Variants in ARHGEF17 observed in about 807,000 individuals in gnomAD.
ARHGEF17 encodes the protein 164 kDa Rho-specific guanine-nucleotide exchange factor.
In ARHGEF17, 80 loss-of-function variants were observed where a neutral mutation model predicts 174.0. That is an observed-to-expected ratio of 0.46 (90% confidence interval 0.38 to 0.55). The LOEUF (loss-of-function observed/expected upper bound fraction) is 0.55. Ranked by LOEUF, ARHGEF17 falls within the 20% of genes least tolerant of loss-of-function variation. ARHGEF17 has a pLI of 0.00. For synonymous variants in ARHGEF17, 1,311 were observed against 1,189.1 expected, an observed-to-expected ratio of 1.10 and a Z score of -2.11; for missense variants, 2,886 against 2,839.7, an observed-to-expected ratio of 1.02 and a Z score of -0.37.
At chr11:73,346,541 T>C (rs1865463591) in intron 1 of ARHGEF17, among the ~76,000 whole-genome samples, 1 of 152,190 alleles carries the variant, frequency 6.6e-6, no homozygotes, top group Non-Finnish European at 1.5e-5. Flanking sequence ...TCTTTGCAAA[T>C]GTGAAAGGTT....
At chr11:73,342,904 G>A (rs1865394737) in intron 1 of ARHGEF17, 1 of 160,022 alleles carries the variant, frequency 6.2e-6, no homozygotes, top group Non-Finnish European at 1.4e-5. Context: ...GGGGCCGCGC[G>A]CGCCTGGCTC....
chr11:73,368,081 C>T lies in ARHGEF17; in HGVS notation c.*301C>T, dbSNP rs1251004191. ...TACCAAAGACACAGCTGGGTCTGGA[C>T]CCCACGGGGCTGGGGAGGGCCATGT... On this transcript the variant is annotated 3_prime_UTR_variant, in exon 21 of 21. Coordinates refer to ENST00000263674, the MANE Select transcript of ARHGEF17 (RefSeq NM_014786.4). The T allele has an allele frequency of 5.9e-6, 2 of 340,568 alleles. No individual in the cohort carries two copies. The highest frequency in any genetic ancestry group is 1.1e-5 in the Non-Finnish European group (2 of 183,990). 21.1% of individuals were successfully genotyped at this position (340,568 alleles called of 1,614,324 possible).
chr11:73,311,639 C>T lies in ARHGEF17; in HGVS notation c.3001C>T (p.Pro1001Ser). The T allele has an allele frequency of 2.5e-6, 4 of 1,613,362 alleles. No homozygotes were observed. The highest frequency in any genetic ancestry group is 3.4e-6 in the Non-Finnish European group (4 of 1,179,936). The change falls in exon 1 of 21, where the codon CCA becomes TCA. Residue 1001 changes from proline to serine, a missense_variant. Coordinates refer to ENST00000263674, the MANE Select transcript of ARHGEF17 (RefSeq NM_014786.4). ...PTRAHPTLQA[P>S]SLEDVTKQYM... is the part of the protein sequence containing the mutation. ...CCGAGCCCATCCCACGTTGCAGGCA[C>T]CATCGCTCGAGGACGTCACCAAGCA... is the stretch of plus-strand genomic sequence containing the variant.
chr11:73,347,019 A>T, intron 2 of ARHGEF17, 59 bp downstream of exon 2: 1 of 1,508,884 alleles, frequency 6.6e-7, no homozygotes, highest in Middle Eastern at 1.7e-4. Context: ...AGGCTGTCAG[A>T]TGGGTGTGAG....
intron 2 of ARHGEF17, among the ~76,000 whole-genome samples, chr11:73,351,067 A>T (rs555631594): frequency 6.6e-6 from 1 of 152,154 alleles, no homozygotes; most frequent in South Asian, 2.1e-4. Flanking sequence ...CCCTGAGGTG[A>T]GCGGTTTAGC....
chr11:73,332,939 C>T (rs1865232102), intron 1 of ARHGEF17, among the ~76,000 whole-genome samples: 1 of 152,144 alleles, frequency 6.6e-6, no homozygotes, highest in Non-Finnish European at 1.5e-5. Flanking sequence ...TGCTCTCTTC[C>T]TGTCCTCAGG....
chr11:73,365,840 C>G lies in ARHGEF17; in HGVS notation c.5888C>G (p.Thr1963Arg), dbSNP rs1338791600. The change falls in exon 20 of 21, where the codon ACA becomes AGA. Residue 1963 changes from threonine (T) to arginine (R), a missense_variant. Thr to Arg is a moderately conservative substitution (Grantham distance 71, BLOSUM62 -1). This residue lies in a region of ARHGEF17 where 329 missense variants were observed against 435.2 expected (regional missense o/e 0.76). Transcript: ENST00000263674. This position sits in a 1 kb window ranked among gnomAD's most constrained non-coding sequence, Gnocchi z 4.9. Reference sequence around the variant, plus strand: ...TGCCCACGGGCACCACTCAGTCCCACAGGCCTCGGCCAGGGACACACCGGC... The same window carrying G: ...TGCCCACGGGCACCACTCAGTCCCAGAGGCCTCGGCCAGGGACACACCGGC... ...VSCPRAPLSPTGLGQGHTGHV... is the reference protein window; with the variant it reads ...VSCPRAPLSPRGLGQGHTGHV... 1 of 1,613,140 alleles carries G rather than the reference C, an allele frequency of 6.2e-7. No individual in the cohort carries two copies. The highest frequency in any genetic ancestry group is 1.1e-5 in the South Asian group (1 of 91,088).
At chr11:73,316,607 C>G (rs1864932521) in intron 1 of ARHGEF17, among the ~76,000 whole-genome samples, 1 of 152,182 alleles carries the variant, frequency 6.6e-6, no homozygotes, top group Admixed American at 6.5e-5. Context: ...CAGAGAGGAA[C>G]AGCAGATGCA....
At position 73,353,246 on chromosome 11, in the gene ARHGEF17, C is replaced by T. The variant is rs556894569; in HGVS notation, c.3453+234C>T. 31 of 585,706 alleles carry T rather than the reference C, an allele frequency of 5.3e-5. No individual in the cohort carries two copies. In the East Asian group the frequency reaches 8.2e-4, roughly 15 times the overall value. 36.3% of individuals were successfully genotyped at this position (585,706 alleles called of 1,614,324 possible). On this transcript the variant is annotated intron_variant, in intron 3 of 20. Transcript: ENST00000263674. ...ACTCTGGCACGGACTCCGACCCCAG[C>T]CAGACACTGACTCTGATCCTGGACC...
chr11:73,345,479 A>G (rs1865445325), intron 1 of ARHGEF17, among the ~76,000 whole-genome samples: 1 of 151,954 alleles, frequency 6.6e-6, no homozygotes, highest in Admixed American at 6.6e-5. Context: ...TCAGAGGGCA[A>G]GGGATCTGAA....
intron 9 of ARHGEF17, 108 bp from the exon 10 acceptor site, chr11:73,359,726 G>A: frequency 2.1e-6 from 2 of 937,412 alleles, no homozygotes; most frequent in East Asian, 2.8e-5. Flanking sequence ...GGTTTGTCAG[G>A]TCTCTCCCCG....
chr11:73,353,064 G>A (rs1185358767), intron 3 of ARHGEF17, 52 bp downstream of exon 3: 23 of 1,602,174 alleles, frequency 1.4e-5, no homozygotes, highest in Non-Finnish European at 2.0e-5. Flanking sequence ...CTCCTGGAAG[G>A]GGCTGGATGT....
chr11:73,355,160 T>C (rs769152896), intron 3 of ARHGEF17, among the ~76,000 whole-genome samples: 6 of 152,182 alleles, frequency 3.9e-5, no homozygotes, highest in South Asian at 2.1e-4. Context: ...TGAGTCTGTG[T>C]CACTCAGAGA....
intron 1 of ARHGEF17, among the ~76,000 whole-genome samples, chr11:73,345,581 G>A (rs1384932401): frequency 6.6e-6 from 1 of 152,184 alleles, no homozygotes; most frequent in Admixed American, 6.5e-5. Flanking sequence ...CCTGGGCATA[G>A]CAGTGACCAG....
intron 1 of ARHGEF17, among the ~76,000 whole-genome samples, chr11:73,329,337 A>G (rs1355400040): frequency 1.9e-3 from 2 of 1,044 alleles, no homozygotes; most frequent in Admixed American, 0.021. Context: ...ATATATATAT[A>G]TATATATATA....
chr11:73,364,289 T>C (rs1389062134), intron 17 of ARHGEF17, 50 bp downstream of exon 17: 3 of 1,606,182 alleles, frequency 1.9e-6, no homozygotes, highest in African/African-American at 1.3e-5. Flanking sequence ...TTACTGGTGT[T>C]GGGGCTCTCT....
At chr11:73,347,788 G>A (rs1358934237) in intron 2 of ARHGEF17, among the ~76,000 whole-genome samples, 7 of 152,210 alleles carry the variant, frequency 4.6e-5, no homozygotes, top group Non-Finnish European at 7.3e-5. Context: ...AGCTGGGAAG[G>A]TGGGTGGCAG....
At chr11:73,345,863 G>A (rs1452818556) in intron 1 of ARHGEF17, among the ~76,000 whole-genome samples, 1 of 152,190 alleles carries the variant, frequency 6.6e-6, no homozygotes, top group Non-Finnish European at 1.5e-5. Context: ...GAGGGGTCAG[G>A]AGTGGAGTCT....
chr11:73,310,506 C>G lies in ARHGEF17; in HGVS notation c.1868C>G (p.Ala623Gly), dbSNP rs1357020729. The G allele has an allele frequency of 1.9e-6, 3 of 1,614,028 alleles. No homozygotes were observed. The highest frequency in any genetic ancestry group is 2.5e-6 in the Non-Finnish European group (3 of 1,180,042). The change falls in exon 1 of 21, where the codon GCA (alanine) becomes GGA (glycine). Residue 623 changes from alanine (A) to glycine (G), a missense_variant. By Grantham distance (60) the Ala-to-Gly change is moderately conservative (BLOSUM62 0). Coordinates refer to ENST00000263674, the MANE Select transcript of ARHGEF17 (RefSeq NM_014786.4). ...SDAPPGSPDW[A>G]GDVTRGQRSQ... ...GCCCCCCCTGGAAGCCCTGACTGGG[C>G]AGGGGATGTGACCCGAGGGCAGCGG...
Sources: gnomAD v4.1 joint callset for allele counts (sites outside exome capture counted in the v4.1 genomes callset) on GRCh38, gnomAD v4.1.1 for gene constraint, gnomAD v4.1.1 regional missense constraint, Gnocchi (gnomAD v3.1) non-coding constraint, MANE v1.5 for transcripts, NCBI Gene and HGNC (gene_info 2026-07-23, HGNC 2026-07-21) for gene names.